Variants in CHRM5 observed in about 807,000 individuals in gnomAD.
CHRM5 encodes the protein muscarinic acetylcholine receptor M5.
In CHRM5, 18 loss-of-function variants were observed where a neutral mutation model predicts 39.0. The observed-to-expected ratio is 0.46, with a 90% CI of 0.32 to 0.68. CHRM5 has a LOEUF of 0.68. Ranked by LOEUF, CHRM5 falls within the 30% of genes least tolerant of loss-of-function variation. The probability of loss-of-function intolerance (pLI) is 0.04; values close to 1 mark genes in which losing one functional copy is unlikely to be tolerated. For synonymous variants in CHRM5, 241 were observed against 246.3 expected, an observed-to-expected ratio of 0.98 and a Z score of 0.20; for missense variants, 515 against 651.1, an observed-to-expected ratio of 0.79 and a Z score of 2.28.
intron 1 of CHRM5, among the ~76,000 whole-genome samples, chr15:34,037,125 AT>A (rs57511978): frequency 0.043 from 6,330 of 146,734 alleles, 438 homozygotes; most frequent in African/African-American, 0.16. Flanking sequence ...AAAAAAAAAA[AT>A]ATATACCATC....
chr15:33,983,162 G>GTGTGTGTGTGTGTA (rs1896240399), intron 1 of CHRM5, among the ~76,000 whole-genome samples: 4 of 87,204 alleles, frequency 4.6e-5, no homozygotes, highest in African/African-American at 3.1e-4. Context: ...GTGTGTGTAT[G>GTGTGTGTGTGTGTA]TGTGTGTGTA....
In CHRM5 at chr15:34,050,662, C is replaced by G. The variant is rs190848273; in HGVS notation, c.-76+3791C>G. Among the ~76,000 whole-genome samples, 566 of 152,116 alleles carry G rather than the reference C, an allele frequency of 3.7e-3. 1 individual carries two copies. Among genetic ancestry groups the G allele is most frequent in the Middle Eastern group, 0.017 (5 of 294 alleles). ...AAATAAAGGAATGGAGAAAAATTTA[C>G]CAAACAAATGGAAAACAGAAAAAAG... On this transcript the variant is annotated intron_variant, in intron 2 of 2. Transcript: ENST00000383263.
intron 1 of CHRM5, among the ~76,000 whole-genome samples, chr15:34,029,195 C>T (rs1898643037): frequency 6.6e-6 from 1 of 152,094 alleles, no homozygotes; most frequent in Non-Finnish European, 1.5e-5. Flanking sequence ...ATCACCCCCA[C>T]CACCGCCACT....
At chr15:34,038,190 G>C (rs952853946) in intron 1 of CHRM5, among the ~76,000 whole-genome samples, 3 of 152,178 alleles carry the variant, frequency 2.0e-5, no homozygotes, top group Non-Finnish European at 4.4e-5. Context: ...CATAATAAAA[G>C]AGAACTACGC....
chr15:33,969,474 GATA>G (rs377765729), intron 1 of CHRM5, among the ~76,000 whole-genome samples: 2 of 151,606 alleles, frequency 1.3e-5, no homozygotes, highest in East Asian at 1.9e-4. Context: ...GCCATTCACA[GATA>G]ATGTTTACCA....
chr15:34,009,998 TATAAAC>T (rs1897568228), intron 1 of CHRM5, among the ~76,000 whole-genome samples: 1 of 151,916 alleles, frequency 6.6e-6, no homozygotes, highest in African/African-American at 2.4e-5. Context: ...ATTATGAACA[TATAAAC>T]ATATGCTCCT....
rs367720664 is a variant in CHRM5, at chr15:34,030,146, C to T, written c.-407-16394C>T. On this transcript the variant is annotated intron_variant, in intron 1 of 2. Coordinates refer to ENST00000383263, the MANE Select transcript of CHRM5 (RefSeq NM_012125.4). Reference sequence around the variant, plus strand: ...GCACATGTCTGTAATCCCAGCTACTCGGGAGGCTGAGGCAGGAGAATCTCT... The same window carrying T: ...GCACATGTCTGTAATCCCAGCTACTTGGGAGGCTGAGGCAGGAGAATCTCT... Among the ~76,000 whole-genome samples, 67 of 152,030 alleles carry T rather than the reference C, an allele frequency of 4.4e-4. No homozygotes were observed. The East Asian group carries it at 9.1e-3, about 21-fold the overall frequency.
Position 34,064,571 on chromosome 15 carries a change from A to T in CHRM5, c.*255A>T. ...GAGTTTGCCAATGAAGTAAAGGGAT[A>T]GGCTCATGGCCCTTCACAAGAGGAA... On this transcript the variant is annotated 3_prime_UTR_variant, in exon 3 of 3. Transcript: ENST00000383263. 1 of 527,228 alleles carries T rather than the reference A, an allele frequency of 1.9e-6. No individual in the cohort carries two copies. Among genetic ancestry groups the T allele is most frequent in the South Asian group, 2.4e-5 (1 of 41,360 alleles). 32.7% of individuals were successfully genotyped at this position (527,228 alleles called of 1,614,324 possible).
intron 1 of CHRM5, among the ~76,000 whole-genome samples, chr15:34,034,028 G>A (rs913354615): frequency 7.2e-5 from 11 of 152,162 alleles, no homozygotes; most frequent in South Asian, 2.1e-4. Flanking sequence ...CTTGTGATCT[G>A]CCCACCTCAG....
In CHRM5 at chr15:34,066,972, G is replaced by A. The variant is rs894593563; in HGVS notation, c.*2656G>A. The A allele has an allele frequency of 2.6e-5, 4 of 152,118 alleles. No homozygotes were observed. Among genetic ancestry groups the A allele is most frequent in the Non-Finnish European group, 5.9e-5 (4 of 68,050 alleles). 9.4% of individuals were successfully genotyped at this position (152,118 alleles called of 1,614,324 possible). On this transcript the variant is annotated 3_prime_UTR_variant, in exon 3 of 3. Coordinates refer to ENST00000383263, the MANE Select transcript of CHRM5 (RefSeq NM_012125.4). The stretch of plus-strand genomic sequence containing the variant: ...ACTTCTATAGAATAGCGGCTTTAGT[G>A]GGGTCCTCAGAATGAATAGACCTAA...
chr15:33,994,714 C>T (rs891541829), intron 1 of CHRM5, among the ~76,000 whole-genome samples: 6 of 152,136 alleles, frequency 3.9e-5, no homozygotes, highest in Admixed American at 2.6e-4. Flanking sequence ...AATTACAAGT[C>T]TTCAAAAATT....
At chr15:34,057,065 C>G (rs1318175697) in intron 2 of CHRM5, among the ~76,000 whole-genome samples, 1 of 151,942 alleles carries the variant, frequency 6.6e-6, no homozygotes, top group Non-Finnish European at 1.5e-5. Flanking sequence ...AAAATATTGC[C>G]TTATTATTTT....
intron 1 of CHRM5, among the ~76,000 whole-genome samples, chr15:34,009,754 A>G (rs631092): frequency 0.94 from 142,676 of 152,204 alleles, 67,511 homozygotes; most frequent in Non-Finnish European, 1. Context: ...TTGGGAGGCC[A>G]AGGTAGGGAG....
chr15:33,997,507 T>C (rs1896982938), intron 1 of CHRM5, among the ~76,000 whole-genome samples: 1 of 152,168 alleles, frequency 6.6e-6, no homozygotes, highest in Non-Finnish European at 1.5e-5. Flanking sequence ...TATATAAGAC[T>C]ATATCATTAC....
intron 1 of CHRM5, among the ~76,000 whole-genome samples, chr15:34,025,751 G>A (rs1898432013): frequency 7.1e-6 from 1 of 141,524 alleles, no homozygotes. Flanking sequence ...TTTTGGTTTG[G>A]TTTTGCGTGT....
At chr15:34,013,929 G>T (rs1897749728) in intron 1 of CHRM5, among the ~76,000 whole-genome samples, 1 of 152,282 alleles carries the variant, frequency 6.6e-6, no homozygotes, top group South Asian at 2.1e-4. Flanking sequence ...TCCGCCTGCT[G>T]ACTCTTCCCA....
intron 1 of CHRM5, among the ~76,000 whole-genome samples, chr15:34,024,447 TG>T (rs1037351958): frequency 1.5e-5 from 2 of 131,588 alleles, no homozygotes; most frequent in African/African-American, 6.0e-5. Flanking sequence ...CCCTCCAGCC[TG>T]GGCAACAGAA....
rs1234481248 is a variant in CHRM5, at chr15:33,983,843, AT to A, written c.-408+14697del. Among the ~76,000 whole-genome samples, 23 of 152,024 alleles carry A rather than the reference AT, an allele frequency of 1.5e-4. No individual in the cohort carries two copies. The East Asian group carries it at 3.9e-3, about 26-fold the overall frequency. On this transcript the variant is annotated intron_variant, in intron 1 of 2. Transcript: ENST00000383263. Reference sequence around the variant, plus strand: ...ATCATCAGCAGTAAGTCCTATAAATATTTTGTGTCCACTGACATGATCCAAC... The same window carrying A: ...ATCATCAGCAGTAAGTCCTATAAATATTTGTGTCCACTGACATGATCCAAC...
chr15:34,016,137 A>G lies in CHRM5; in HGVS notation c.-407-30403A>G, dbSNP rs147092708. On this transcript the variant is annotated intron_variant, in intron 1 of 2. Transcript: ENST00000383263. ...ACTAAAAATACAAAATTAGCTGGGC[A>G]TGGTGGTGCACGCCTGTAATTCCAG... is the stretch of plus-strand genomic sequence containing the variant. Among the ~76,000 whole-genome samples the G allele has an allele frequency of 4.6e-5, 7 of 152,160 alleles. No individual in the cohort carries two copies. The East Asian group carries it at 1.4e-3, about 30-fold the overall frequency.
Sources: allele counts gnomAD v4.1 joint callset (sites outside exome capture counted in the v4.1 genomes callset), GRCh38; gene constraint gnomAD v4.1.1; transcripts MANE v1.5; gene names NCBI Gene and HGNC (gene_info 2026-07-23, HGNC 2026-07-21).